Variants in TEX11 observed in about 807,000 individuals in gnomAD.
TEX11 encodes the protein testis expressed 11.
A neutral mutation model predicts 84.4 loss-of-function variants in TEX11; 7 were observed. That is an observed-to-expected ratio of 0.08 (90% CI 0.05 to 0.16). The LOEUF (loss-of-function observed/expected upper bound fraction) is 0.16, where lower values mean the gene tolerates loss of function less well. TEX11 is among the 10% of genes least tolerant of loss of function. TEX11 has a pLI of 1.00. For missense variants in TEX11, 551 were observed against 660.5 expected (o/e 0.83, Z 1.82); for synonymous variants, 264 against 222.8 (o/e 1.18, Z -1.64).
chrX:70,843,970 G>A (rs946803234), intron 7 of TEX11, among the ~76,000 whole-genome samples: 6 of 111,188 alleles, frequency 5.4e-5, no homozygotes, highest in Non-Finnish European at 9.4e-5. Flanking sequence ...AACAGGTGCT[G>A]GAGAGGATGT....
intron 9 of TEX11, among the ~76,000 whole-genome samples, chrX:70,766,292 A>G (rs1164583755): frequency 9.1e-6 from 1 of 110,168 alleles, no homozygotes; most frequent in Non-Finnish European, 1.9e-5. Context: ...CGTGCCTGTA[A>G]TCTCAGCTAC....
At chrX:70,840,359 A>G (rs2091435016) in intron 7 of TEX11, among the ~76,000 whole-genome samples, 2 of 111,719 alleles carry the variant, frequency 1.8e-5, no homozygotes, top group South Asian at 3.8e-4. Context: ...TCAACCCACA[A>G]TCTCATATCC....
intron 16 of TEX11, among the ~76,000 whole-genome samples, chrX:70,656,071 A>T (rs900635781): frequency 1.9e-5 from 2 of 108,043 alleles, no homozygotes; most frequent in African/African-American, 6.7e-5. Flanking sequence ...ATTTATAAGC[A>T]AATTATTACA....
chrX:70,825,361 ATT>A (rs2091339738), intron 8 of TEX11, among the ~76,000 whole-genome samples: 1 of 108,246 alleles, frequency 9.2e-6, no homozygotes, highest in African/African-American at 3.3e-5. Context: ...ATATATATAT[ATT>A]GTTCAATAAA....
intron 13 of TEX11, among the ~76,000 whole-genome samples, chrX:70,688,779 T>G (rs1469906580): frequency 3.8e-5 from 4 of 106,344 alleles, no homozygotes; most frequent in Non-Finnish European, 7.7e-5. Flanking sequence ...TAACTAGGTA[T>G]TATATATATT....
chrX:70,714,279 A>T (rs190473167), intron 13 of TEX11, among the ~76,000 whole-genome samples: 6,172 of 110,876 alleles, frequency 0.056, 361 homozygotes, highest in African/African-American at 0.16. Flanking sequence ...TTGATTTGGG[A>T]TGGAGAGTTC....
chrX:70,798,028 G>GC lies in TEX11; in HGVS notation c.692+8676_692+8677insG, dbSNP rs200739342. On this transcript the variant is annotated intron_variant, in intron 9 of 29. Coordinates refer to ENST00000374333, the MANE Select transcript of TEX11 (RefSeq NM_031276.3). ...AGCCAGAGCAATTAGGCAAGATGAG[G>GC]GGGGGGGAAAGGCATTCAAATTTGA... 8.7e-3 allele frequency among the ~76,000 whole-genome samples: 882 copies of GC among 101,892 alleles called. 7 individuals carry two copies. Among genetic ancestry groups the GC allele is most frequent in the African/African-American group, 0.027 (756 of 28,137 alleles). The allele number at this position is 101,892 out of a possible 115,157, so 88.5% of individuals were successfully genotyped here.
At chrX:70,809,310 CAAGAA>C (rs1359999861) in intron 8 of TEX11, among the ~76,000 whole-genome samples, 2 of 111,155 alleles carry the variant, frequency 1.8e-5, no homozygotes, top group African/African-American at 3.3e-5. Context: ...AACTTTTGTG[CAAGAA>C]AAGAAAAGAA....
At chrX:70,782,194 C>G (rs1211904204) in intron 9 of TEX11, among the ~76,000 whole-genome samples, 1 of 111,570 alleles carries the variant, frequency 9.0e-6, no homozygotes, top group Non-Finnish European at 1.9e-5. Flanking sequence ...ATTTTCAACC[C>G]AGAATTTCAT....
chrX:70,877,896 G>C (rs1261276734), intron 3 of TEX11, among the ~76,000 whole-genome samples: 3 of 111,459 alleles, frequency 2.7e-5, no homozygotes, highest in African/African-American at 9.8e-5. Flanking sequence ...GAATTTTAGA[G>C]GGCAAGGGGG....
chrX:70,788,961 TATATATATATATAGAG>T (rs1330070281), intron 9 of TEX11, among the ~76,000 whole-genome samples: 55 of 44,512 alleles, frequency 1.2e-3, no homozygotes, highest in African/African-American at 3.1e-3. Context: ...TATATATATA[TATATATATATATAGAG>T]AGAGAGAGAG....
At chrX:70,535,942 T>A (rs1420623734) in intron 28 of TEX11, among the ~76,000 whole-genome samples, 1 of 110,850 alleles carries the variant, frequency 9.0e-6, no homozygotes, top group African/African-American at 3.3e-5. Context: ...TATTTATTAA[T>A]TCATGTAACC....
At chrX:70,514,185 A>G in the TEX11 span, among the ~76,000 whole-genome samples, 5 of 109,780 alleles carry the variant, frequency 4.6e-5, 1 homozygote, top group South Asian at 1.9e-3. Context: ...TACAACTGGA[A>G]TTTGGCATTT....
At chrX:70,715,184 C>T (rs1411906107) in intron 13 of TEX11, among the ~76,000 whole-genome samples, 2 of 108,404 alleles carry the variant, frequency 1.8e-5, no homozygotes, top group Non-Finnish European at 3.8e-5. Context: ...ATGGGCTTCC[C>T]TTTGTGGGCA....
chrX:70,680,325 G>T (rs1210291458), intron 14 of TEX11, among the ~76,000 whole-genome samples: 9 of 93,457 alleles, frequency 9.6e-5, no homozygotes, highest in Non-Finnish European at 1.9e-4. Context: ...ATCCACTCAG[G>T]GTTGAATGGA....
rs751561820 is a variant in TEX11, at chrX:70,624,797, C to T, written c.1694+42G>A. On this transcript the variant is annotated intron_variant, in intron 19 of 29. Transcript: ENST00000374333. ...GTTTATTGACTAAGAGCAAGATAAG[C>T]AGAGGAAATACTTTCTCTTCCACAG... 6.7e-6 allele frequency: 7 copies of T among 1,052,109 alleles called. No individual in the cohort carries two copies. The African/African-American group carries it at 9.3e-5, about 14-fold the overall frequency. 86.7% of individuals were successfully genotyped at this position (1,052,109 alleles called of 1,213,427 possible). A position where few individuals can be genotyped will look rare whatever the true frequency, so the allele number is the denominator to read the frequency against.
At chrX:70,525,661 T>A, downstream of TEX11, among the ~76,000 whole-genome samples, 1 of 111,397 alleles carries the variant, frequency 9.0e-6, no homozygotes, top group Non-Finnish European at 1.9e-5. Flanking sequence ...CACAACATCT[T>A]CTCTCATGGA....
chrX:70,542,196 T>C (rs983235396), intron 28 of TEX11, among the ~76,000 whole-genome samples: 1 of 110,570 alleles, frequency 9.0e-6, no homozygotes, highest in Admixed American at 9.7e-5. Flanking sequence ...AGAGGAGTGC[T>C]CTCATGAATA....
At chrX:70,643,269 G>A (rs1314232319) in intron 17 of TEX11, among the ~76,000 whole-genome samples, 2 of 106,420 alleles carry the variant, frequency 1.9e-5, no homozygotes, top group East Asian at 5.9e-4. Flanking sequence ...GGAAATAAAA[G>A]AGCATACAAA....
Sources: allele counts gnomAD v4.1 joint callset (sites outside exome capture counted in the v4.1 genomes callset), GRCh38; gene constraint gnomAD v4.1.1; transcripts MANE v1.5; gene names NCBI Gene and HGNC (gene_info 2026-07-23, HGNC 2026-07-21).